The following EFCAB6 variants were observed in gnomAD, a reference collection of about 807,000 sequenced individuals.
The protein encoded by EFCAB6 is EF-hand calcium binding domain 6.
In EFCAB6, 156 loss-of-function variants were observed where a neutral mutation model predicts 169.8. The ratio of observed to expected loss-of-function variants is 0.92; its 90% confidence interval spans 0.81 to 1.05. The LOEUF is 1.05. Ranked by LOEUF, EFCAB6 falls within the 50% of genes least tolerant of loss-of-function variation. The probability of loss-of-function intolerance (pLI) is 0.00; values close to 1 mark genes in which losing one functional copy is unlikely to be tolerated. For missense variants in EFCAB6, 1,800 were observed against 1,829.1 expected (o/e 0.98, Z 0.29); for synonymous variants, 698 against 676.4 (o/e 1.03, Z -0.50).
intron 27 of EFCAB6, among the ~76,000 whole-genome samples, chr22:43,544,852 G>C (rs183126641): frequency 3.1e-4 from 47 of 152,314 alleles, no homozygotes; most frequent in South Asian, 1.0e-3. Context: ...GCTGGGTGCA[G>C]TGGGTCACAC....
chr22:43,569,129 G>A (rs996170097), intron 26 of EFCAB6, among the ~76,000 whole-genome samples: 6 of 152,214 alleles, frequency 3.9e-5, no homozygotes, highest in African/African-American at 1.2e-4. Context: ...GGGGTTGGAG[G>A]GGGACTCATA....
In EFCAB6 at chr22:43,687,494, T is replaced by G. The variant is rs769442234; in HGVS notation, c.1119A>C (p.Lys373Asn). Residue 373 changes from lysine to asparagine, a missense_variant, in exon 11 of 32, where the codon AAA becomes AAC. Physicochemically the swap from Lys to Asn is moderately conservative, Grantham distance 94 (BLOSUM62 0). Transcript: ENST00000262726. ...HEPQGLQVSS[K>N]GPLTKRNSIN... ...ACCTATTTCTTTTTGTCAGGGGACC[T>G]TTACTGCTAACTTGCAACCCCTGAG... The G allele has an allele frequency of 1.3e-6, 2 of 1,562,264 alleles. No individual in the cohort carries two copies. The highest frequency in any genetic ancestry group is 8.7e-7 in the Non-Finnish European group (1 of 1,152,128).
chr22:43,685,633 C>A lies in EFCAB6; in HGVS notation c.1143-1778G>T, dbSNP rs145676971. Among the ~76,000 whole-genome samples the A allele has an allele frequency of 4.2e-3, 636 of 152,302 alleles. 3 individuals are homozygous for A. Among genetic ancestry groups the A allele is most frequent in the Middle Eastern group, 0.014 (4 of 294 alleles). On this transcript the variant is annotated intron_variant, in intron 11 of 31. Coordinates refer to ENST00000262726, the MANE Select transcript of EFCAB6 (RefSeq NM_022785.4). ...GATCTTGGCTCTTTGGGCAACTGTACAGGCAGTGGTGACCCATCGCGGATT... is the reference window on the plus strand; with the variant it reads ...GATCTTGGCTCTTTGGGCAACTGTAAAGGCAGTGGTGACCCATCGCGGATT...
chr22:43,540,818 T>C (rs1307571772), intron 27 of EFCAB6, among the ~76,000 whole-genome samples: 1 of 152,150 alleles, frequency 6.6e-6, no homozygotes, highest in African/African-American at 2.4e-5. Context: ...GCCCCTGCAC[T>C]TGCATCCACG....
At chr22:43,764,227 G>A (rs1444236880) in intron 5 of EFCAB6, among the ~76,000 whole-genome samples, 1 of 151,828 alleles carries the variant, frequency 6.6e-6, no homozygotes, top group African/African-American at 2.4e-5. Context: ...CTAGTTGTCT[G>A]CTGTGTCTGC....
At chr22:43,626,896 A>C (rs1025764201) in intron 19 of EFCAB6, among the ~76,000 whole-genome samples, 2 of 152,178 alleles carry the variant, frequency 1.3e-5, no homozygotes, top group African/African-American at 4.8e-5. Flanking sequence ...CAGGGGATAT[A>C]AATGATCCTC....
At chr22:43,642,628 GA>G (rs2055877511) in intron 17 of EFCAB6, among the ~76,000 whole-genome samples, 1 of 152,188 alleles carries the variant, frequency 6.6e-6, no homozygotes, top group Non-Finnish European at 1.5e-5. Context: ...AAAATAATAT[GA>G]AATTTTCAGA....
In EFCAB6 at chr22:43,755,163, C is replaced by T. The variant is rs567685368; in HGVS notation, c.507+603G>A. Among the ~76,000 whole-genome samples, 6 of 152,290 alleles carry T rather than the reference C, an allele frequency of 3.9e-5. No individual in the cohort carries two copies. In the South Asian group the frequency reaches 1.2e-3, roughly 32 times the overall value. ...AAATTAAACCATGATTCTCAAACTG[C>T]TCATGTAACTGACAGGCCCAAATGC... On this transcript the variant is annotated intron_variant, in intron 6 of 31. Transcript: ENST00000262726.
intron 5 of EFCAB6, among the ~76,000 whole-genome samples, chr22:43,756,950 A>C (rs980420905): frequency 6.6e-6 from 1 of 152,158 alleles, no homozygotes; most frequent in African/African-American, 2.4e-5. Context: ...GGGAGACCAG[A>C]GCTGGATGGG....
intron 9 of EFCAB6, among the ~76,000 whole-genome samples, chr22:43,715,845 C>A (rs971481911): frequency 1.3e-5 from 2 of 152,232 alleles, no homozygotes; most frequent in Admixed American, 1.3e-4. Flanking sequence ...ACAGTGCTCA[C>A]TTCTCCAACA....
chr22:43,590,683 G>A (rs1421189042), intron 23 of EFCAB6, among the ~76,000 whole-genome samples: 1 of 150,424 alleles, frequency 6.6e-6, no homozygotes, highest in Non-Finnish European at 1.5e-5. Flanking sequence ...CAGTAGTGGG[G>A]AGACAGACAA....
intron 10 of EFCAB6, among the ~76,000 whole-genome samples, chr22:43,707,989 A>T (rs1336996036): frequency 1.3e-5 from 2 of 151,930 alleles, no homozygotes; most frequent in Admixed American, 1.3e-4. Context: ...TTATAAGTTT[A>T]GAACACGTGA....
intron 23 of EFCAB6, among the ~76,000 whole-genome samples, chr22:43,597,383 C>T (rs5764155): frequency 1.3e-5 from 2 of 152,144 alleles, no homozygotes; most frequent in Non-Finnish European, 2.9e-5. Context: ...ATGAGGAACT[C>T]TAACAACCCA....
intron 17 of EFCAB6, among the ~76,000 whole-genome samples, chr22:43,648,973 G>A (rs2056324760): frequency 6.6e-6 from 1 of 152,206 alleles, no homozygotes; most frequent in Non-Finnish European, 1.5e-5. Flanking sequence ...AGTGACTTGT[G>A]ACTACAGGGG....
chr22:43,672,534 C>T (rs1239614916), intron 13 of EFCAB6, among the ~76,000 whole-genome samples: 1 of 152,162 alleles, frequency 6.6e-6, no homozygotes, highest in Non-Finnish European at 1.5e-5. Context: ...ATGTCTTTTG[C>T]AGGGACATAG....
chr22:43,659,656 T>C (rs1035537800), intron 17 of EFCAB6, among the ~76,000 whole-genome samples: 1 of 151,454 alleles, frequency 6.6e-6, no homozygotes, highest in Non-Finnish European at 1.5e-5. Context: ...TGATACCCTA[T>C]CTCAAAAAAA....
intron 18 of EFCAB6, among the ~76,000 whole-genome samples, chr22:43,634,336 G>C (rs2055214589): frequency 6.6e-6 from 1 of 152,108 alleles, no homozygotes; most frequent in South Asian, 2.1e-4. Flanking sequence ...ACCTCTCTAA[G>C]GGGTGGCAAA....
intron 10 of EFCAB6, among the ~76,000 whole-genome samples, chr22:43,688,674 G>C (rs369243956): frequency 6.6e-6 from 1 of 152,202 alleles, no homozygotes; most frequent in African/African-American, 2.4e-5. Context: ...ATAAGGATTA[G>C]AGCTAATAGG....
At chr22:43,548,887 C>T (rs959624953) in intron 27 of EFCAB6, among the ~76,000 whole-genome samples, 7 of 152,118 alleles carry the variant, frequency 4.6e-5, no homozygotes, top group African/African-American at 1.7e-4. Flanking sequence ...AAAAAGACCA[C>T]ACATCAGAAC....
Sources: allele counts gnomAD v4.1 joint callset (sites outside exome capture counted in the v4.1 genomes callset), GRCh38; gene constraint gnomAD v4.1.1; transcripts MANE v1.5; gene names NCBI Gene and HGNC (gene_info 2026-07-23, HGNC 2026-07-21).